The following FBXO47 variants were observed in gnomAD, a reference collection of about 807,000 sequenced individuals.
FBXO47 encodes F-box only protein 47.
A neutral mutation model predicts 53.9 loss-of-function variants in FBXO47; 34 were observed. The ratio of observed to expected loss-of-function variants is 0.63; its 90% CI spans 0.48 to 0.84. FBXO47 has a LOEUF of 0.84. FBXO47 is among the 40% of genes least tolerant of loss of function. The probability of loss-of-function intolerance (pLI) is 0.00; values close to 1 mark genes in which losing one functional copy is unlikely to be tolerated. For missense variants in FBXO47, 485 were observed against 541.3 expected, an observed-to-expected ratio of 0.90 and a Z score of 1.03; for synonymous variants, 165 against 181.6, an observed-to-expected ratio of 0.91 and a Z score of 0.73.
At chr17:38,950,918 C>T (rs1262618) in intron 6 of FBXO47, among the ~76,000 whole-genome samples, 144,341 of 152,096 alleles carry the variant, frequency 0.95, 68,570 homozygotes, top group East Asian at 1. Context: ...ATTTTTATTT[C>T]TTTTGAAAAG....
chr17:38,963,815 T>A (rs2143973105), intron 1 of FBXO47, among the ~76,000 whole-genome samples: 1 of 148,728 alleles, frequency 6.7e-6, no homozygotes, highest in African/African-American at 2.5e-5. Context: ...TTTTTTTTTT[T>A]TGTCAAGGTC....
At chr17:38,964,421 C>T (rs1047834165) in intron 1 of FBXO47, among the ~76,000 whole-genome samples, 1 of 152,124 alleles carries the variant, frequency 6.6e-6, no homozygotes, top group African/African-American at 2.4e-5. Flanking sequence ...CATAGCGAAA[C>T]CCCGTCTCTA....
At chr17:38,942,327 G>A (rs1461931980) in intron 9 of FBXO47, among the ~76,000 whole-genome samples, 1 of 152,074 alleles carries the variant, frequency 6.6e-6, no homozygotes, top group African/African-American at 2.4e-5. Context: ...AGGTGTGGTG[G>A]CTCACACCTG....
At chr17:38,947,045 TATAA>T (rs1904965135) in intron 6 of FBXO47, among the ~76,000 whole-genome samples, 47 of 131,546 alleles carry the variant, frequency 3.6e-4, no homozygotes, top group African/African-American at 1.5e-3. Context: ...TATGTAAATA[TATAA>T]AAACATATAT....
At chr17:38,956,116 A>T (rs1259128596) in intron 4 of FBXO47, among the ~76,000 whole-genome samples, 2 of 151,324 alleles carry the variant, frequency 1.3e-5, no homozygotes, top group African/African-American at 4.9e-5. Flanking sequence ...AGCCTGGAGG[A>T]CAGAGTGAGA....
At chr17:38,940,024 A>C (rs1472272865) in intron 9 of FBXO47, among the ~76,000 whole-genome samples, 1 of 152,000 alleles carries the variant, frequency 6.6e-6, no homozygotes. Flanking sequence ...CAAATAAATA[A>C]TGCATATTAT....
intron 6 of FBXO47, among the ~76,000 whole-genome samples, chr17:38,949,353 G>A (rs962992060): frequency 6.6e-6 from 1 of 152,106 alleles, no homozygotes; most frequent in African/African-American, 2.4e-5. Flanking sequence ...CCAGGAAGTG[G>A]AGGTTGCAGT....
At chr17:38,959,778 T>C (rs944520606) in intron 3 of FBXO47, among the ~76,000 whole-genome samples, 13 of 151,868 alleles carry the variant, frequency 8.6e-5, no homozygotes, top group African/African-American at 3.1e-4. Flanking sequence ...CCTGAGTAGC[T>C]GGGACAACAG....
At chr17:38,946,614 C>CTATATAAATATATATGTATATATAAATA (rs1904878568) in intron 6 of FBXO47, among the ~76,000 whole-genome samples, 3 of 9,840 alleles carry the variant, frequency 3.0e-4, no homozygotes, top group Non-Finnish European at 4.6e-4. Flanking sequence ...ATATATATAA[C>CTATATAAATATATATGTATATATAAATA]TATATAAATA....
chr17:38,946,127 T>TAA (rs1351418589), intron 6 of FBXO47, among the ~76,000 whole-genome samples: 44 of 123,272 alleles, frequency 3.6e-4, no homozygotes, highest in African/African-American at 1.2e-3. Flanking sequence ...AATAAATATA[T>TAA]ATACATATAT....
rs1266715107 is a variant in FBXO47 at position 38,956,105 on chromosome 17, C to T, written c.429+1072G>A. Among the ~76,000 whole-genome samples the T allele has an allele frequency of 2.7e-5, 4 of 150,250 alleles. No homozygotes were observed. In the East Asian group the frequency reaches 7.8e-4, roughly 29 times the overall value. ...GAGCCGAGATCGCACCACTGCACTC[C>T]AGCCTGGAGGACAGAGTGAGACTCC... On this transcript the variant is annotated intron_variant, in intron 4 of 10. Transcript: ENST00000378079.
rs558924871 is a variant in FBXO47, at chr17:38,961,523, G to C, written c.352+354C>G. ...TTTAAATTTCTATTTTAAAGGACTA[G>C]ATTATGGTTGAAAGGGAAAAGAGAT... On this transcript the variant is annotated intron_variant, in intron 3 of 10. Transcript: ENST00000378079. 2.6e-5 allele frequency among the ~76,000 whole-genome samples: 4 copies of C among 152,286 alleles called. No homozygotes were observed. The South Asian group carries it at 8.3e-4, about 32-fold the overall frequency.
At chr17:38,955,021 G>T in intron 4 of FBXO47, 88 bp from the exon 5 acceptor site, 1 of 1,004,122 alleles carries the variant, frequency 1.0e-6, no homozygotes, top group Non-Finnish European at 1.5e-6. Flanking sequence ...CAAATTTAAT[G>T]GAAATAAGCA....
intron 2 of FBXO47, 99 bp from the exon 3 acceptor site, chr17:38,962,146 T>C: frequency 1.1e-6 from 1 of 918,004 alleles, no homozygotes. Context: ...TCAATCGTCA[T>C]CATTATCACC....
rs531058585 is a variant in FBXO47 at position 38,958,075 on chromosome 17, T to C, written c.353-822A>G. Among the ~76,000 whole-genome samples the C allele has an allele frequency of 1.4e-4, 21 of 152,242 alleles. 1 individual carries two copies. In the South Asian group the frequency reaches 3.5e-3, roughly 26 times the overall value. Reference sequence around the variant, plus strand: ...CGATCTCTTGACCTCATGATCCGCCTGCCTCGGCCTCCCAAAGTTCTGGGA... The same window carrying C: ...CGATCTCTTGACCTCATGATCCGCCCGCCTCGGCCTCCCAAAGTTCTGGGA... On this transcript the variant is annotated intron_variant, in intron 3 of 10. Coordinates refer to ENST00000378079, the MANE Select transcript of FBXO47 (RefSeq NM_001008777.3).
intron 5 of FBXO47, among the ~76,000 whole-genome samples, chr17:38,954,181 C>T (rs1905442347): frequency 6.6e-6 from 1 of 151,790 alleles, no homozygotes; most frequent in Non-Finnish European, 1.5e-5. Flanking sequence ...ACCTGTTATC[C>T]CAGCTACTCA....
intron 9 of FBXO47, 91 bp from the exon 10 acceptor site, chr17:38,938,823 G>A: frequency 9.4e-7 from 1 of 1,060,196 alleles, no homozygotes. Context: ...ATTATAGTTT[G>A]TGATTTTACA....
chr17:38,954,206 G>A (rs1208344182), intron 5 of FBXO47, among the ~76,000 whole-genome samples: 2 of 152,008 alleles, frequency 1.3e-5, no homozygotes, highest in African/African-American at 2.4e-5. Context: ...GCTGAGGCAG[G>A]AGAATCGCTT....
chr17:38,956,192 T>C (rs1905548793), intron 4 of FBXO47, among the ~76,000 whole-genome samples: 1 of 152,044 alleles, frequency 6.6e-6, no homozygotes, highest in Non-Finnish European at 1.5e-5. Context: ...GTAATCTTGA[T>C]TCAGCATACA....
Sources: allele counts gnomAD v4.1 joint callset (sites outside exome capture counted in the v4.1 genomes callset), GRCh38; gene constraint gnomAD v4.1.1; transcripts MANE v1.5; gene names NCBI Gene and HGNC (gene_info 2026-07-23, HGNC 2026-07-21).